Variants in ST8SIA1 observed in about 807,000 individuals in gnomAD.
ST8SIA1 encodes the protein alpha-N-acetylneuraminide alpha-2,8-sialyltransferase.
A neutral mutation model predicts 35.9 loss-of-function variants in ST8SIA1; 16 were observed. The observed-to-expected ratio is 0.45, with a 90% confidence interval of 0.30 to 0.68. The LOEUF is 0.68. Among genes scored for constraint, ST8SIA1 ranks in the 30% least tolerant of loss-of-function variants. The probability of loss-of-function intolerance (pLI) is 0.09; values close to 1 mark genes in which losing one functional copy is unlikely to be tolerated. For missense variants in ST8SIA1, 383 were observed against 453.6 expected, an observed-to-expected ratio of 0.84 and a Z score of 1.41; for synonymous variants, 170 against 169.6, an observed-to-expected ratio of 1.00 and a Z score of -0.02.
intron 4 of ST8SIA1, among the ~76,000 whole-genome samples, chr12:22,232,715 T>G (rs538474972): frequency 6.6e-6 from 1 of 152,252 alleles, no homozygotes; most frequent in East Asian, 1.9e-4. Flanking sequence ...GGCGCATGCC[T>G]GTAATCCCAG....
intron 1 of ST8SIA1, among the ~76,000 whole-genome samples, chr12:22,319,000 A>T (rs906137069): frequency 7.9e-5 from 12 of 152,220 alleles, no homozygotes; most frequent in Admixed American, 5.2e-4. Context: ...ATCCACAAAC[A>T]TCCTTAAAAG....
Position 22,287,206 on chromosome 12 carries a change from G to T in ST8SIA1, c.324C>A (p.Asp108Glu). The T allele has an allele frequency of 6.2e-7, 1 of 1,614,040 alleles. No homozygotes were observed. Among genetic ancestry groups the T allele is most frequent in the Non-Finnish European group, 8.5e-7 (1 of 1,179,974 alleles). ...NSPMGKSMWY[D>E]GEFLYSFTID... ...TGGTGAATGAGTATAAAAACTCCCC[G>T]TCATACCACATGCTCTTCCCCATAG... The change falls in exon 2 of 5, where the codon GAC becomes GAA. Residue 108 changes from aspartate (D) to glutamate (E), a missense_variant. Coordinates refer to ENST00000396037, the MANE Select transcript of ST8SIA1 (RefSeq NM_003034.4).
intron 4 of ST8SIA1, among the ~76,000 whole-genome samples, chr12:22,229,092 A>G (rs1334076443): frequency 2.0e-5 from 3 of 150,788 alleles, no homozygotes; most frequent in Admixed American, 1.3e-4. Flanking sequence ...GAGCCAGTGA[A>G]GAATATTGAC....
At chr12:22,320,236 A>C (rs80226587) in intron 1 of ST8SIA1, among the ~76,000 whole-genome samples, 1 of 152,224 alleles carries the variant, frequency 6.6e-6, no homozygotes, top group African/African-American at 2.4e-5. Flanking sequence ...TGAAGGTTCA[A>C]AGACTTATCC....
At chr12:22,203,760 C>T (rs941567671) in intron 4 of ST8SIA1, among the ~76,000 whole-genome samples, 5 of 152,258 alleles carry the variant, frequency 3.3e-5, no homozygotes, top group Admixed American at 2.0e-4. Flanking sequence ...TTTCTTCCAT[C>T]GCCCACCCAT....
chr12:22,236,177 T>C (rs934987285), intron 4 of ST8SIA1, among the ~76,000 whole-genome samples: 4 of 152,128 alleles, frequency 2.6e-5, no homozygotes, highest in Non-Finnish European at 5.9e-5. Flanking sequence ...ACCCCTCTCT[T>C]TTGCTTATCC....
At chr12:22,275,269 TG>T (rs920919200) in intron 2 of ST8SIA1, among the ~76,000 whole-genome samples, 61 of 152,196 alleles carry the variant, frequency 4.0e-4, no homozygotes, top group African/African-American at 1.4e-3. Context: ...AATGAGGGGC[TG>T]GGGCTGGGCA....
chr12:22,223,462 C>T (rs1246619545), intron 4 of ST8SIA1: 2 of 975,772 alleles, frequency 2.0e-6, no homozygotes, highest in Non-Finnish European at 2.4e-6. Context: ...CTTTCTCAGA[C>T]TTCTTTATAG....
intron 1 of ST8SIA1, among the ~76,000 whole-genome samples, chr12:22,321,844 TC>T (rs913483097): frequency 6.6e-6 from 1 of 152,208 alleles, no homozygotes; most frequent in Admixed American, 6.5e-5. Flanking sequence ...CCCCTCCACT[TC>T]CTCTTCTTTG....
At chr12:22,330,049 T>A (rs532679914) in intron 1 of ST8SIA1, among the ~76,000 whole-genome samples, 1 of 152,336 alleles carries the variant, frequency 6.6e-6, no homozygotes, top group Admixed American at 6.5e-5. Flanking sequence ...CATGGGTGAC[T>A]TAATAACTTT....
At chr12:22,305,235 A>C (rs1189209677) in intron 1 of ST8SIA1, among the ~76,000 whole-genome samples, 2 of 152,202 alleles carry the variant, frequency 1.3e-5, no homozygotes, top group African/African-American at 4.8e-5. Flanking sequence ...AAGTGCTTAA[A>C]TCAAACATTT....
Position 22,202,046 on chromosome 12 carries a change from A to AG in ST8SIA1, c.585-9dup, listed in dbSNP as rs747518893. ...CACAGAAGGTTCTGAAACCTATTGA[A>AG]GAAAAAAAAAACTGTTCAATTAAAC... is the stretch of plus-strand genomic sequence containing the variant. On this transcript the variant is annotated splice_polypyrimidine_tract_variant and intron_variant, in intron 4 of 4. Coordinates refer to ENST00000396037, the MANE Select transcript of ST8SIA1 (RefSeq NM_003034.4). The AG allele has an allele frequency of 2.6e-6, 4 of 1,558,638 alleles. No homozygotes were observed. In the East Asian group the frequency reaches 9.0e-5, roughly 35 times the overall value.
At chr12:22,282,992 GA>G (rs374457736) in intron 2 of ST8SIA1, among the ~76,000 whole-genome samples, 2 of 151,838 alleles carry the variant, frequency 1.3e-5, no homozygotes, top group East Asian at 1.9e-4. Context: ...TACTGTGAAG[GA>G]AAAAAAATGT....
At chr12:22,217,390 GTAA>G (rs1380704701) in intron 4 of ST8SIA1, among the ~76,000 whole-genome samples, 6 of 152,090 alleles carry the variant, frequency 3.9e-5, no homozygotes, top group African/African-American at 1.4e-4. Flanking sequence ...AGATGATGGC[GTAA>G]AGCAACACCT....
At chr12:22,255,494 G>T in intron 2 of ST8SIA1, 105 bp from the exon 3 acceptor site, 1 of 957,982 alleles carries the variant, frequency 1.0e-6, no homozygotes, top group African/African-American at 1.6e-5. Flanking sequence ...TGAAGACTGA[G>T]TCCAGCAAAA....
At chr12:22,333,472 T>A (rs1464097258) in intron 1 of ST8SIA1, among the ~76,000 whole-genome samples, 4 of 152,206 alleles carry the variant, frequency 2.6e-5, no homozygotes, top group Admixed American at 6.5e-5. Context: ...TAGACGTCAG[T>A]CAGTACTATG....
Position 22,279,015 on chromosome 12 carries a change from T to C in ST8SIA1, c.381+8134A>G, listed in dbSNP as rs369419934. Among the ~76,000 whole-genome samples the C allele has an allele frequency of 3.9e-5, 6 of 152,300 alleles. No homozygotes were observed. The South Asian group carries it at 1.2e-3, about 32-fold the overall frequency. ...TCCTCTCCTTACACTTAGTTTTTGC[T>C]CTCTCTGTATTGTCAGCCTCCACAG... On this transcript the variant is annotated intron_variant, in intron 2 of 4. Transcript: ENST00000396037.
At chr12:22,273,031 A>G (rs1463854067) in intron 2 of ST8SIA1, among the ~76,000 whole-genome samples, 1 of 152,170 alleles carries the variant, frequency 6.6e-6, no homozygotes, top group Non-Finnish European at 1.5e-5. Context: ...CTGTTTGACT[A>G]TCTTCACAGT....
At chr12:22,329,063 A>G (rs968052905) in intron 1 of ST8SIA1, among the ~76,000 whole-genome samples, 2 of 152,200 alleles carry the variant, frequency 1.3e-5, no homozygotes, top group Non-Finnish European at 2.9e-5. Context: ...AGCAAAACCA[A>G]TATAGCCTGG....
Sources: allele counts gnomAD v4.1 joint callset (sites outside exome capture counted in the v4.1 genomes callset), GRCh38; gene constraint gnomAD v4.1.1; transcripts MANE v1.5; gene names NCBI Gene and HGNC (gene_info 2026-07-23, HGNC 2026-07-21).